The following LEPR variants were observed in gnomAD, a reference collection of about 807,000 sequenced individuals.
The protein encoded by LEPR is leptin receptor, also known as OB receptor.
In LEPR, 56 loss-of-function variants were observed where a neutral mutation model predicts 114.7. That is an observed-to-expected ratio of 0.49 (90% CI 0.39 to 0.61). The LOEUF (loss-of-function observed/expected upper bound fraction) is 0.61. Ranked by LOEUF, LEPR falls within the 20% of genes least tolerant of loss-of-function variation. The pLI is 0.00. For missense variants in LEPR, 1,202 were observed against 1,352.9 expected (o/e 0.89, Z 1.75); for synonymous variants, 443 against 461.4 (o/e 0.96, Z 0.51).
chr1:65,636,967 TC>T lies in LEPR; in HGVS notation c.3451del (p.Gln1151ArgfsTer13), dbSNP rs767859233. ...YMPQFQTCST[Q>X]THKIMENKMC... ...TGCCTCAATTCCAAACTTGTTCTAC[TC>T]AGACTCATAAGATCATGGAAAACAA... On this transcript the variant is annotated frameshift_variant, in exon 20 of 20. Coordinates refer to ENST00000349533, the MANE Select transcript of LEPR (RefSeq NM_002303.6). LOFTEE classifies it high-confidence loss of function. The T allele has an allele frequency of 1.2e-6, 2 of 1,613,236 alleles. No individual in the cohort carries two copies. Among genetic ancestry groups the T allele is most frequent in the Admixed American group, 3.3e-5 (2 of 59,796 alleles).
At chr1:65,493,403 G>A (rs1647981625) in intron 2 of LEPR, among the ~76,000 whole-genome samples, 1 of 151,982 alleles carries the variant, frequency 6.6e-6, no homozygotes, top group African/African-American at 2.4e-5. Context: ...TACAGGGTAA[G>A]GTCTTGCTTT....
chr1:65,601,172 G>A (rs887152014), intron 8 of LEPR, among the ~76,000 whole-genome samples: 2 of 151,974 alleles, frequency 1.3e-5, no homozygotes, highest in African/African-American at 4.8e-5. Context: ...AGATAGTAAA[G>A]ACATTCATGG....
chr1:65,636,117 A>G, intron 19 of LEPR, 74 bp from the exon 20 acceptor site: 4 of 1,529,970 alleles, frequency 2.6e-6, no homozygotes, highest in Non-Finnish European at 3.6e-6. Flanking sequence ...ACACACTTCC[A>G]TTTCTGCCAG....
intron 10 of LEPR, 99 bp from the exon 11 acceptor site, chr1:65,604,939 T>C (rs1656716511): frequency 6.8e-7 from 1 of 1,461,274 alleles, no homozygotes; most frequent in Non-Finnish European, 9.3e-7. Context: ...GCCAAAAAGG[T>C]TGGGGACTGC....
rs10552268 is a variant in LEPR, at chr1:65,637,359, A to AACAC, written c.*360_*363dup. ...TTACCTCAAGTTTTTGTTTTGTACCAACACACACACACACACACATTCTTA... is the reference window on the plus strand; with the variant it reads ...TTACCTCAAGTTTTTGTTTTGTACCAACACACACACACACACACACACATTCTTA... On this transcript the variant is annotated 3_prime_UTR_variant, in exon 20 of 20. Transcript: ENST00000349533. The AACAC allele has an allele frequency of 9.3e-5, 18 of 193,394 alleles. No individual in the cohort carries two copies. The highest frequency in any genetic ancestry group is 1.1e-4 in the Admixed American group (2 of 18,608). The allele number at this position is 193,394 out of a possible 1,614,324, so 12.0% of individuals were successfully genotyped here.
intron 2 of LEPR, among the ~76,000 whole-genome samples, chr1:65,506,960 C>T (rs751687593): frequency 6.6e-6 from 1 of 152,144 alleles, no homozygotes; most frequent in East Asian, 1.9e-4. Flanking sequence ...CCACTGCCAG[C>T]CTTTGGTTAC....
In LEPR at chr1:65,621,451, CACCAAAGGT is replaced by C. The variant is rs1415548990; in HGVS notation, c.2592_2597+3del. The C allele has an allele frequency of 1.2e-6, 2 of 1,611,790 alleles. No individual in the cohort carries two copies. Among genetic ancestry groups the C allele is most frequent in the East Asian group, 4.5e-5 (2 of 44,734 alleles). On this transcript the variant is annotated splice_donor_variant and coding_sequence_variant, in exon 18 of 20. Coordinates refer to ENST00000349533, the MANE Select transcript of LEPR (RefSeq NM_002303.6). LOFTEE classifies it high-confidence loss of function. ...ATTGCTTGGAACATTATTAATATCA[CACCAAAGGT>C]ATTGTACTTGAGGTTAAGAATCTTT...
intron 2 of LEPR, among the ~76,000 whole-genome samples, chr1:65,452,682 A>G (rs1436564176): frequency 1.3e-5 from 2 of 151,364 alleles, no homozygotes; most frequent in Non-Finnish European, 3.0e-5. Flanking sequence ...TCGGTTTGCC[A>G]GTATTTTATT....
intron 2 of LEPR, among the ~76,000 whole-genome samples, chr1:65,541,969 A>T (rs1651219547): frequency 1.3e-5 from 2 of 152,218 alleles, no homozygotes; most frequent in South Asian, 4.1e-4. Context: ...GTAGAATTTG[A>T]TAGGTAAAAA....
At chr1:65,494,297 T>C (rs909873484) in intron 2 of LEPR, 4 of 152,172 alleles carry the variant, frequency 2.6e-5, no homozygotes, top group African/African-American at 9.7e-5. Context: ...CCTATATACT[T>C]ACACACTACT....
chr1:65,434,090 C>T (rs1343589732), intron 2 of LEPR: 23 of 984,904 alleles, frequency 2.3e-5, no homozygotes, highest in Non-Finnish European at 2.7e-5. Context: ...AGCCTTAAAG[C>T]ATTACCTCTT....
chr1:65,488,226 C>CTCTCTCTTTCTTTCTTTCTTTCTTTCTT (rs1553157734), intron 2 of LEPR, among the ~76,000 whole-genome samples: 29 of 67,962 alleles, frequency 4.3e-4, no homozygotes, highest in South Asian at 5.7e-4. Context: ...CTCTCTCTCT[C>CTCTCTCTTTCTTTCTTTCTTTCTTTCTT]TCTTTCTTTC....
chr1:65,438,344 G>C (rs1325876097), intron 2 of LEPR, among the ~76,000 whole-genome samples: 1 of 151,740 alleles, frequency 6.6e-6, no homozygotes, highest in Non-Finnish European at 1.5e-5. Flanking sequence ...GAGGTCAAGA[G>C]ATCAAGACCA....
intron 10 of LEPR, among the ~76,000 whole-genome samples, chr1:65,602,488 T>G (rs1030109333): frequency 1.3e-5 from 2 of 152,070 alleles, no homozygotes; most frequent in Non-Finnish European, 2.9e-5. Flanking sequence ...TTATTTTTAC[T>G]CTTCTATGTT....
intron 2 of LEPR, among the ~76,000 whole-genome samples, chr1:65,461,326 A>G (rs1646943318): frequency 6.6e-6 from 1 of 152,114 alleles, no homozygotes; most frequent in Non-Finnish European, 1.5e-5. Flanking sequence ...CAGGGCTCTT[A>G]GGAGAAGTGG....
chr1:65,558,515 TTGAATCAGAAG>T (rs1386476809), intron 2 of LEPR, among the ~76,000 whole-genome samples: 2 of 104,206 alleles, frequency 1.9e-5, no homozygotes, highest in African/African-American at 4.0e-5. Context: ...TTTTTTTTTT[TTGAATCAGAAG>T]TTTTTTTTTT....
At chr1:65,607,331 G>C (rs1656881121) in intron 11 of LEPR, among the ~76,000 whole-genome samples, 1 of 152,136 alleles carries the variant, frequency 6.6e-6, no homozygotes. Flanking sequence ...CCACTGGCAG[G>C]GGTGACTGTC....
chr1:65,481,360 A>C (rs980096783), intron 2 of LEPR, among the ~76,000 whole-genome samples: 1 of 152,144 alleles, frequency 6.6e-6, no homozygotes, highest in African/African-American at 2.4e-5. Context: ...GGGGAAAAAA[A>C]ACCCACAACT....
At position 65,571,791 on chromosome 1, in the gene LEPR, CAAA is replaced by C. The variant is rs34139057; in HGVS notation, c.371-508_371-506del. 5.3e-4 allele frequency among the ~76,000 whole-genome samples: 39 copies of C among 73,682 alleles called. 1 individual carries two copies. The highest frequency in any genetic ancestry group is 2.1e-3 in the South Asian group (5 of 2,328). 48.3% of individuals were successfully genotyped at this position (73,682 alleles called of 152,430 possible). ...CAACATAATGAAACCCCATCTCTAC[CAAA>C]AAAAAAAAAAAAAAAAAAAAAAAAA... is the stretch of plus-strand genomic sequence containing the variant. On this transcript the variant is annotated intron_variant, in intron 4 of 19. Transcript: ENST00000349533.
Sources: allele counts gnomAD v4.1 joint callset (sites outside exome capture counted in the v4.1 genomes callset), GRCh38; gene constraint gnomAD v4.1.1; transcripts MANE v1.5; gene names NCBI Gene and HGNC (gene_info 2026-07-23, HGNC 2026-07-21).